The following ELOVL2 variants were observed in gnomAD, a reference collection of about 807,000 sequenced individuals.
ELOVL2 encodes very long chain fatty acid elongase 2.
In ELOVL2, 38 loss-of-function variants were observed where a neutral mutation model predicts 37.7. That is an observed-to-expected ratio of 1.01 (90% confidence interval 0.78 to 1.32). ELOVL2 has a LOEUF of 1.32. ELOVL2 is among the 40% of genes most tolerant of loss of function. The pLI is 0.00. For synonymous variants in ELOVL2, 115 were observed against 122.3 expected (o/e 0.94, Z 0.40); for missense variants, 352 against 363.6 (o/e 0.97, Z 0.26).
At chr6:10,994,827 C>T (rs1392454319) in intron 5 of ELOVL2, among the ~76,000 whole-genome samples, 180 bp downstream of exon 5, 1 of 152,156 alleles carries the variant, frequency 6.6e-6, no homozygotes, top group African/African-American at 2.4e-5. Context: ...TTGCCTGTAT[C>T]AAAGACCAGA....
chr6:10,990,689 G>C (rs1220447753), intron 5 of ELOVL2, among the ~76,000 whole-genome samples: 1 of 151,314 alleles, frequency 6.6e-6, no homozygotes, highest in Non-Finnish European at 1.5e-5. Context: ...CCACACAGGG[G>C]AACACCTTAT....
chr6:11,001,048 A>G (rs574124275), intron 3 of ELOVL2, among the ~76,000 whole-genome samples: 1 of 152,380 alleles, frequency 6.6e-6, no homozygotes, highest in South Asian at 2.1e-4. Context: ...CAGGTATTAC[A>G]GGCGAAAGGC....
At chr6:10,997,817 G>A (rs1395462195) in intron 4 of ELOVL2, among the ~76,000 whole-genome samples, 1 of 152,148 alleles carries the variant, frequency 6.6e-6, no homozygotes, top group Non-Finnish European at 1.5e-5. Flanking sequence ...AGTGAGTTCA[G>A]GTATTGAGTC....
At chr6:10,991,434 C>T (rs369086667) in intron 5 of ELOVL2, among the ~76,000 whole-genome samples, 7 of 151,812 alleles carry the variant, frequency 4.6e-5, no homozygotes, top group African/African-American at 1.2e-4. Flanking sequence ...ATTGATTTGA[C>T]GTAAATTTTT....
At chr6:11,022,012 A>AG (rs1352850099) in intron 1 of ELOVL2, among the ~76,000 whole-genome samples, 1 of 152,152 alleles carries the variant, frequency 6.6e-6, no homozygotes. Context: ...TAAGTGTAAT[A>AG]GGGGGTCTGT....
intron 1 of ELOVL2, among the ~76,000 whole-genome samples, chr6:11,036,976 G>GGGGAGAGAGAGACAGAGGAGGCAGAGA (rs1783015564): frequency 1.3e-5 from 2 of 151,276 alleles, no homozygotes; most frequent in Admixed American, 1.3e-4. Flanking sequence ...GAAGAGAGAT[G>GGGGAGAGAGAGACAGAGGAGGCAGAGA]GGGAGAGAGA....
rs537003528 is a variant in ELOVL2 at position 10,990,203 on chromosome 6, GA to G, written c.630+114del. On this transcript the variant is annotated intron_variant, in intron 6 of 7. Transcript: ENST00000354666. The stretch of plus-strand genomic sequence containing the variant: ...TTTAATTCTTAAAAGGCCAATTTTG[GA>G]AAAAAAATGGGCAGCCTCATCACAC... 5.4e-5 allele frequency: 74 copies of G among 1,360,292 alleles called. No homozygotes were observed. In the East Asian group the frequency reaches 9.5e-4, roughly 17 times the overall value. The allele number at this position is 1,360,292 out of a possible 1,614,324, so 84.3% of individuals were successfully genotyped here. A position where few individuals can be genotyped will look rare whatever the true frequency, so the allele number is the denominator to read the frequency against.
chr6:11,042,731 T>A (rs1483534426), intron 1 of ELOVL2, among the ~76,000 whole-genome samples: 1 of 151,878 alleles, frequency 6.6e-6, no homozygotes, highest in Non-Finnish European at 1.5e-5. Flanking sequence ...CGGGAGTATC[T>A]CCCTCCTCCC....
intron 7 of ELOVL2, among the ~76,000 whole-genome samples, chr6:10,984,866 G>A (rs890290536): frequency 9.2e-5 from 14 of 152,244 alleles, no homozygotes; most frequent in African/African-American, 2.6e-4. Flanking sequence ...AGTCCTTTGG[G>A]TATATACCCA....
chr6:11,026,812 A>C (rs1295361428), intron 1 of ELOVL2, among the ~76,000 whole-genome samples: 1 of 152,204 alleles, frequency 6.6e-6, no homozygotes, highest in East Asian at 1.9e-4. Context: ...TTACATAGCT[A>C]TATGGAGTAT....
rs548366073 is a variant in ELOVL2 at position 10,981,813 on chromosome 6, C to G, written c.*1968G>C. The G allele has an allele frequency of 5.3e-5, 8 of 152,294 alleles. No individual in the cohort carries two copies. Among genetic ancestry groups the G allele is most frequent in the South Asian group, 2.1e-4 (1 of 4,826 alleles). The allele number at this position is 152,294 out of a possible 1,614,324, so 9.4% of individuals were successfully genotyped here. ...TTCTAAGTCTCATTTTTATCTGGAA[C>G]GCACTTTGGTAAGAGATTTCAGCCT... On this transcript the variant is annotated 3_prime_UTR_variant, in exon 8 of 8. Coordinates refer to ENST00000354666, the MANE Select transcript of ELOVL2 (RefSeq NM_017770.4).
Position 11,043,404 on chromosome 6 carries a change from AACACACAC to A in ELOVL2, c.3+816_3+823del, listed in dbSNP as rs34656289. The A allele has an allele frequency of 3.5e-4, 40 of 115,086 alleles. No homozygotes were observed. The East Asian group carries it at 4.7e-3, about 14-fold the overall frequency. 7.1% of individuals were successfully genotyped at this position (115,086 alleles called of 1,614,324 possible). ...TCAGGCAGTTCATCGGACACGGGTG[AACACACAC>A]ACACACACACACACACACACAGCTT... On this transcript the variant is annotated intron_variant, in intron 1 of 7. Coordinates refer to ENST00000354666, the MANE Select transcript of ELOVL2 (RefSeq NM_017770.4).
chr6:10,989,642 A>G, intron 7 of ELOVL2, 61 bp downstream of exon 7: 10 of 1,181,544 alleles, frequency 8.5e-6, no homozygotes, highest in Non-Finnish European at 1.0e-5. Flanking sequence ...TCTGTCTCCA[A>G]AAAAAAAAAA....
intron 6 of ELOVL2, 100 bp downstream of exon 6, chr6:10,990,218 G>A: frequency 1.4e-6 from 2 of 1,465,968 alleles, no homozygotes; most frequent in Non-Finnish European, 1.8e-6. Flanking sequence ...AAAATGGGCA[G>A]CCTCATCACA....
intron 1 of ELOVL2, among the ~76,000 whole-genome samples, chr6:11,011,085 C>T (rs920525083): frequency 6.6e-6 from 1 of 152,140 alleles, no homozygotes; most frequent in African/African-American, 2.4e-5. Flanking sequence ...GAAGGGTTGG[C>T]CAGGCGCGGT....
chr6:11,016,826 A>C (rs2113533888), intron 1 of ELOVL2, among the ~76,000 whole-genome samples: 1 of 152,360 alleles, frequency 6.6e-6, no homozygotes, highest in Middle Eastern at 3.4e-3. Flanking sequence ...AGGATGGATA[A>C]GAGTGGATAC....
intron 1 of ELOVL2, among the ~76,000 whole-genome samples, chr6:11,027,507 A>T (rs1034314456): frequency 6.6e-6 from 1 of 152,234 alleles, no homozygotes; most frequent in Non-Finnish European, 1.5e-5. Flanking sequence ...ATTCCATTTT[A>T]AAAATGTTTC....
At chr6:10,995,767 G>A (rs1241483848) in intron 4 of ELOVL2, among the ~76,000 whole-genome samples, 2 of 152,202 alleles carry the variant, frequency 1.3e-5, no homozygotes, top group Non-Finnish European at 2.9e-5. Context: ...TGTAGCTAGT[G>A]TTACGAATCT....
intron 1 of ELOVL2, among the ~76,000 whole-genome samples, chr6:11,025,333 T>C (rs2113547392): frequency 6.6e-6 from 1 of 152,328 alleles, no homozygotes; most frequent in Admixed American, 6.5e-5. Context: ...TGCTAATTTT[T>C]TTAGCTTCAT....
Sources: allele counts gnomAD v4.1 joint callset (sites outside exome capture counted in the v4.1 genomes callset), GRCh38; gene constraint gnomAD v4.1.1; transcripts MANE v1.5; gene names NCBI Gene and HGNC (gene_info 2026-07-23, HGNC 2026-07-21).